The following OSBPL1A variants were observed in gnomAD, a reference collection of about 807,000 sequenced individuals.
The protein encoded by OSBPL1A is oxysterol binding protein like 1A, also known as oxysterol-binding protein-related protein 1.
Under a neutral mutation model 137.1 loss-of-function variants are expected in OSBPL1A, and 80 were observed. The observed-to-expected ratio is 0.58, with a 90% CI of 0.49 to 0.70. OSBPL1A has a LOEUF of 0.70. Among genes scored for constraint, OSBPL1A ranks in the 30% least tolerant of loss-of-function variants. The pLI, the probability that OSBPL1A is intolerant of heterozygous loss-of-function variation, is 0.00. For synonymous variants in OSBPL1A, 365 were observed against 389.7 expected (o/e 0.94, Z 0.75); for missense variants, 970 against 1,129.4 (o/e 0.86, Z 2.02).
intron 13 of OSBPL1A, among the ~76,000 whole-genome samples, chr18:24,310,462 T>G (rs767778229): frequency 2.3e-5 from 3 of 130,878 alleles, no homozygotes; most frequent in Admixed American, 7.3e-5. Flanking sequence ...ATTAGCCAGG[T>G]GCGGTGGCAG....
At chr18:24,277,470 G>A (rs111335566) in intron 15 of OSBPL1A, among the ~76,000 whole-genome samples, 1,888 of 152,258 alleles carry the variant, frequency 0.012, 41 homozygotes, top group African/African-American at 0.043. Flanking sequence ...CTACAGAGGT[G>A]TTTTACCAAT....
chr18:24,185,405 C>T (rs989605994), intron 18 of OSBPL1A, among the ~76,000 whole-genome samples: 3 of 151,698 alleles, frequency 2.0e-5, no homozygotes, highest in South Asian at 2.1e-4. Flanking sequence ...CTGCAACCTC[C>T]GCCTCCTGGG....
intron 1 of OSBPL1A, among the ~76,000 whole-genome samples, chr18:24,393,774 T>C (rs1907538625): frequency 6.6e-6 from 1 of 152,222 alleles, no homozygotes; most frequent in African/African-American, 2.4e-5. Context: ...TTTATAAAAT[T>C]CAATTCAGCT....
At chr18:24,222,215 G>T (rs565278640) in intron 17 of OSBPL1A, among the ~76,000 whole-genome samples, 1 of 145,760 alleles carries the variant, frequency 6.9e-6, no homozygotes, top group South Asian at 2.1e-4. Context: ...GTTTAATTTT[G>T]TTGAAATGTT....
intron 4 of OSBPL1A, among the ~76,000 whole-genome samples, chr18:24,350,474 T>A (rs1333974884): frequency 6.6e-6 from 1 of 152,132 alleles, no homozygotes; most frequent in Non-Finnish European, 1.5e-5. Flanking sequence ...TGGGGGTAGG[T>A]AGAGATAGGG....
intron 15 of OSBPL1A, chr18:24,272,235 A>G (rs1425129587): frequency 1.0e-6 from 1 of 975,790 alleles, no homozygotes; most frequent in Non-Finnish European, 1.2e-6. Context: ...GGCCCTGGCA[A>G]CTTTTTTTTT....
intron 15 of OSBPL1A, 143 bp downstream of exon 15, chr18:24,280,699 A>T: frequency 2.1e-6 from 1 of 478,694 alleles, no homozygotes; most frequent in Non-Finnish European, 3.5e-6. Context: ...AATAAGTTCT[A>T]AATTTTTGTG....
intron 1 of OSBPL1A, among the ~76,000 whole-genome samples, chr18:24,388,860 C>T (rs1907126925): frequency 1.3e-5 from 2 of 151,316 alleles, no homozygotes; most frequent in African/African-American, 4.9e-5. Flanking sequence ...TTTAAAACAC[C>T]CCCCCACAGA....
At chr18:24,174,290 G>A (rs2086368906) in intron 21 of OSBPL1A, among the ~76,000 whole-genome samples, 1 of 152,198 alleles carries the variant, frequency 6.6e-6, no homozygotes, top group Non-Finnish European at 1.5e-5. Flanking sequence ...AGGTTAACTG[G>A]ATGAGAAACT....
chr18:24,395,500 T>A (rs1220510733), intron 1 of OSBPL1A, among the ~76,000 whole-genome samples: 1 of 152,218 alleles, frequency 6.6e-6, no homozygotes, highest in East Asian at 1.9e-4. Context: ...TGTATTAATA[T>A]TTAACCGGCA....
chr18:24,379,754 C>T (rs538604161), intron 1 of OSBPL1A, among the ~76,000 whole-genome samples: 2 of 151,366 alleles, frequency 1.3e-5, no homozygotes, highest in South Asian at 2.1e-4. Flanking sequence ...CCTGTAGTCC[C>T]AGCTATATCG....
Position 24,333,067 on chromosome 18 carries a change from G to A in OSBPL1A, c.500C>T (p.Pro167Leu). 6.2e-7 allele frequency: 1 copy of A among 1,613,956 alleles called. No homozygotes were observed. Among genetic ancestry groups the A allele is most frequent in the East Asian group, 2.2e-5 (1 of 44,878 alleles). ...TAACTGATCCGAACAGTTAACATCA[G>A]GAGGATTGGGCCTGTTGAGCTAACA... ...LTALLNRPNP[P>L]DVNCSDQLGN... The change falls in exon 7 of 28, where the codon CCT becomes CTT. Residue 167 changes from proline (P) to leucine (L), a missense_variant. Transcript: ENST00000319481.
At chr18:24,181,365 A>T in intron 18 of OSBPL1A, 86 bp from the exon 19 acceptor site, 1 of 1,427,158 alleles carries the variant, frequency 7.0e-7, no homozygotes, top group Non-Finnish European at 9.5e-7. Context: ...TCCTCCTGGA[A>T]AGGACAGAAC....
rs968977396 is a variant in OSBPL1A, at chr18:24,166,642, C to T, written c.2596G>A (p.Val866Met). The change falls in exon 26 of 28, where the codon GTG (valine) becomes ATG (methionine). Residue 866 changes from valine to methionine, a missense_variant. By Grantham distance (21) the Val-to-Met change is conservative. This residue lies in a region of OSBPL1A where 323 missense variants were observed against 456.8 expected (regional missense o/e 0.71). Transcript: ENST00000319481. ...LNEVDKDMES[V>M]IPKTDCRLRP... The stretch of plus-strand genomic sequence containing the variant: ...AACCTGCAGTCTGTCTTGGGAATCA[C>T]ACTCTCCATGTCTTTGTCTACTTCA... The T allele has an allele frequency of 1.9e-6, 3 of 1,613,588 alleles. No homozygotes were observed. The highest frequency in any genetic ancestry group is 3.3e-5 in the Admixed American group (2 of 59,894).
At chr18:24,186,929 A>G (rs1467789246) in intron 18 of OSBPL1A, among the ~76,000 whole-genome samples, 1 of 114,840 alleles carries the variant, frequency 8.7e-6, no homozygotes, top group Non-Finnish European at 2.0e-5. Flanking sequence ...AAAAAAAAAA[A>G]AAAATTCAGA....
Position 24,323,561 on chromosome 18 carries a change from T to A in OSBPL1A, c.626-4752A>T, listed in dbSNP as rs1243210636. The stretch of plus-strand genomic sequence containing the variant: ...TTTCTTTTTTTTTTTTTTTTTTTTT[T>A]ATTATACTCTAAGTTTTAGGGTACA... On this transcript the variant is annotated intron_variant, in intron 7 of 27. Coordinates refer to ENST00000319481, the MANE Select transcript of OSBPL1A (RefSeq NM_080597.4). Among the ~76,000 whole-genome samples, 2 of 51,406 alleles carry A rather than the reference T, an allele frequency of 3.9e-5. 1 individual carries two copies. The highest frequency in any genetic ancestry group is 2.5e-4 in the Admixed American group (2 of 8,008). 33.7% of individuals were successfully genotyped at this position (51,406 alleles called of 152,430 possible).
At chr18:24,335,797 T>C (rs1213573876) in intron 5 of OSBPL1A, among the ~76,000 whole-genome samples, 1 of 152,248 alleles carries the variant, frequency 6.6e-6, no homozygotes, top group Non-Finnish European at 1.5e-5. Context: ...TACCATTGCA[T>C]TTAAACTACA....
chr18:24,235,539 C>CCT (rs1464621311), intron 16 of OSBPL1A, among the ~76,000 whole-genome samples: 1 of 152,152 alleles, frequency 6.6e-6, no homozygotes, highest in Non-Finnish European at 1.5e-5. Flanking sequence ...AATGGCCAGG[C>CCT]CTCGATTCTA....
At chr18:24,351,675 G>A (rs2091443981) in intron 4 of OSBPL1A, among the ~76,000 whole-genome samples, 2 of 152,136 alleles carry the variant, frequency 1.3e-5, no homozygotes, top group South Asian at 4.1e-4. Flanking sequence ...GAGTAGCGGG[G>A]ATTATAGGTG....
Sources: allele counts gnomAD v4.1 joint callset (sites outside exome capture counted in the v4.1 genomes callset), GRCh38; gene constraint gnomAD v4.1.1; regional missense constraint gnomAD v4.1.1; transcripts MANE v1.5; gene names NCBI Gene and HGNC (gene_info 2026-07-23, HGNC 2026-07-21).